PRPF18: variants seen among roughly 807,000 people sequenced by gnomAD.
PRPF18 encodes pre-mRNA processing factor 18.
A neutral mutation model predicts 46.5 loss-of-function variants in PRPF18; 38 were observed. That is an observed-to-expected ratio of 0.82 (90% CI 0.63 to 1.07). The LOEUF (loss-of-function observed/expected upper bound fraction) is 1.07. Ranked by LOEUF, PRPF18 falls within the 50% of genes least tolerant of loss-of-function variation. PRPF18 has a pLI of 0.00. For synonymous variants in PRPF18, 152 were observed against 146.7 expected (o/e 1.04, Z -0.26); for missense variants, 263 against 410.0 (o/e 0.64, Z 3.10).
the PRPF18 span, chr10:13,649,685 C>T: frequency 6.6e-6 from 1 of 152,186 alleles, no homozygotes; most frequent in Non-Finnish European, 1.5e-5. Context: ...ATGTATTGGT[C>T]TTTTATTCTC....
chr10:13,615,105 G>C (rs1216849141), intron 8 of PRPF18, among the ~76,000 whole-genome samples: 1 of 152,194 alleles, frequency 6.6e-6, no homozygotes, highest in African/African-American at 2.4e-5. Flanking sequence ...TTGTCTTACA[G>C]TTATAAATGT....
chr10:13,647,909 C>T, the PRPF18 span: 14 of 152,126 alleles, frequency 9.2e-5, no homozygotes, highest in African/African-American at 3.1e-4. Flanking sequence ...TTGAATTCCT[C>T]TCCTGCAACT....
Position 13,602,870 on chromosome 10 carries a change from C to A in PRPF18, c.249+2522C>A, listed in dbSNP as rs145336572. Among the ~76,000 whole-genome samples the A allele has an allele frequency of 1.7e-3, 256 of 152,288 alleles. 1 individual carries two copies. In the Middle Eastern group the frequency reaches 0.024, roughly 14 times the overall value. On this transcript the variant is annotated intron_variant, in intron 3 of 9. Transcript: ENST00000378572. ...GCCTAAGCCTCCCAAGTAGCTGGGA[C>A]TGCAGGTATGCACCACCAGGCCTTG...
chr10:13,647,635 A>G, the PRPF18 span: 2 of 152,172 alleles, frequency 1.3e-5, no homozygotes, highest in Non-Finnish European at 2.9e-5. Context: ...AAAAAAATCA[A>G]TGATGACTTT....
rs1287533297 is a variant in PRPF18 at position 13,601,004 on chromosome 10, C to G, written c.249+656C>G. On this transcript the variant is annotated intron_variant, in intron 3 of 9. Coordinates refer to ENST00000378572, the MANE Select transcript of PRPF18 (RefSeq NM_003675.4). ...TCATGTTGGCCAGGCTGGTCTCAAA[C>G]TCCTGACCTCAAGTGATCCACCTGT... Among the ~76,000 whole-genome samples, 5 of 152,130 alleles carry G rather than the reference C, an allele frequency of 3.3e-5. No individual in the cohort carries two copies. In the East Asian group the frequency reaches 9.6e-4, roughly 29 times the overall value.
chr10:13,626,754 G>T (rs2080511216), intron 9 of PRPF18, among the ~76,000 whole-genome samples: 1 of 151,926 alleles, frequency 6.6e-6, no homozygotes, highest in Non-Finnish European at 1.5e-5. Context: ...ATTAGGATTT[G>T]GAAAGAGTGA....
At chr10:13,596,414 T>C (rs1192459818) in intron 1 of PRPF18, among the ~76,000 whole-genome samples, 6 of 152,250 alleles carry the variant, frequency 3.9e-5, no homozygotes, top group Admixed American at 2.0e-4. Flanking sequence ...ATTGTCACCA[T>C]TGGCCTTTTT....
At chr10:13,616,979 TA>T (rs1341479065) in intron 9 of PRPF18, among the ~76,000 whole-genome samples, 1 of 152,158 alleles carries the variant, frequency 6.6e-6, no homozygotes, top group Non-Finnish European at 1.5e-5. Flanking sequence ...GTATGGAGAG[TA>T]AAGACTTGGC....
the PRPF18 span, among the ~76,000 whole-genome samples, chr10:13,650,098 GCCGT>G: frequency 6.6e-6 from 1 of 152,250 alleles, no homozygotes; most frequent in East Asian, 1.9e-4. Flanking sequence ...CTAAGCCAGG[GCCGT>G]CTGATACCAG....
chr10:13,602,424 A>G (rs1589123378), intron 3 of PRPF18, among the ~76,000 whole-genome samples: 1 of 151,702 alleles, frequency 6.6e-6, no homozygotes. Flanking sequence ...TACATAGTGT[A>G]TATATATATT....
the PRPF18 span, chr10:13,649,501 G>A: frequency 7.6e-6 from 1 of 132,374 alleles, no homozygotes; most frequent in Non-Finnish European, 1.8e-5. Flanking sequence ...TCCTAGAGGA[G>A]CCGCAGTATG....
At chr10:13,636,846 A>C in the PRPF18 span, among the ~76,000 whole-genome samples, 1 of 152,230 alleles carries the variant, frequency 6.6e-6, no homozygotes, top group Admixed American at 6.5e-5. Flanking sequence ...AAAGTGTACA[A>C]AGGTTGTCAG....
intron 9 of PRPF18, among the ~76,000 whole-genome samples, chr10:13,617,001 G>A (rs1048640321): frequency 3.3e-5 from 5 of 152,164 alleles, no homozygotes; most frequent in African/African-American, 7.2e-5. Flanking sequence ...TTTAATGTAC[G>A]TAGCACGTAA....
the PRPF18 span, chr10:13,652,219 A>G: frequency 7.2e-6 from 4 of 559,298 alleles, no homozygotes; most frequent in Non-Finnish European, 1.3e-5. Context: ...GTATCACATC[A>G]TAGCAAACAG....
chr10:13,600,880 G>T (rs968092028), intron 3 of PRPF18, among the ~76,000 whole-genome samples: 1 of 152,122 alleles, frequency 6.6e-6, no homozygotes, highest in African/African-American at 2.4e-5. Context: ...GGGTTCAAGC[G>T]ATTCTCCTGC....
chr10:13,591,459 A>G (rs974810675), intron 1 of PRPF18: 2 of 602,842 alleles, frequency 3.3e-6, no homozygotes, highest in African/African-American at 3.8e-5. Flanking sequence ...TAAGAAATGT[A>G]GAACACCAAT....
chr10:13,637,026 A>C, the PRPF18 span: 1 of 152,144 alleles, frequency 6.6e-6, no homozygotes, highest in Non-Finnish European at 1.5e-5. Context: ...ACTCATCCCC[A>C]ATGTGTGTAG....
chr10:13,647,869 G>T, the PRPF18 span: 1 of 151,836 alleles, frequency 6.6e-6, no homozygotes, highest in Non-Finnish European at 1.5e-5. Context: ...CGGAAAAACA[G>T]CCTCTCTTCA....
At chr10:13,618,213 TGACA>T (rs376364753) in intron 9 of PRPF18, among the ~76,000 whole-genome samples, 12 of 152,246 alleles carry the variant, frequency 7.9e-5, no homozygotes, top group Non-Finnish European at 1.6e-4. Context: ...TAGAAGTTCT[TGACA>T]GACGAGAGAG....
Sources: allele counts gnomAD v4.1 joint callset (sites outside exome capture counted in the v4.1 genomes callset), GRCh38; gene constraint gnomAD v4.1.1; transcripts MANE v1.5; gene names NCBI Gene and HGNC (gene_info 2026-07-23, HGNC 2026-07-21).